Variants in CNTN3 observed in about 807,000 individuals in gnomAD.
CNTN3 encodes contactin 3.
A neutral mutation model predicts 119.1 loss-of-function variants in CNTN3; 60 were observed. That is an observed-to-expected ratio of 0.50 (90% CI 0.41 to 0.62). The LOEUF is 0.62. Among genes scored for constraint, CNTN3 ranks in the 20% least tolerant of loss-of-function variants. The probability of loss-of-function intolerance (pLI) is 0.00; values close to 1 mark genes in which losing one functional copy is unlikely to be tolerated. For synonymous variants in CNTN3, 450 were observed against 438.7 expected, an observed-to-expected ratio of 1.03 and a Z score of -0.32; for missense variants, 1,101 against 1,242.4, an observed-to-expected ratio of 0.89 and a Z score of 1.71.
chr3:74,386,929 C>T (rs1704763179), intron 5 of CNTN3, among the ~76,000 whole-genome samples: 1 of 152,168 alleles, frequency 6.6e-6, no homozygotes, highest in South Asian at 2.1e-4. Flanking sequence ...AGAGCCAGGG[C>T]TGGATACCAC....
chr3:74,334,805 A>C lies in CNTN3; in HGVS notation c.1598T>G (p.Phe533Cys). 7 of 1,613,660 alleles carry C rather than the reference A, an allele frequency of 4.3e-6. No homozygotes were observed. Among genetic ancestry groups the C allele is most frequent in the Non-Finnish European group, 5.1e-6 (6 of 1,179,676 alleles). Residue 533 changes from phenylalanine to cysteine, a missense_variant, in exon 13 of 23, where the codon TTT (phenylalanine) becomes TGT (cysteine). Phe to Cys is a radical substitution (Grantham distance 205, BLOSUM62 -2). Transcript: ENST00000263665. ...VQHDPLLDII[F>C]TWYFNGALAD... Reference sequence around the variant, plus strand: ...AAGGGCCCCATTGAAATACCAGGTAAAGATGATGTCTAACAGCGGGTCATG... The same window carrying C: ...AAGGGCCCCATTGAAATACCAGGTACAGATGATGTCTAACAGCGGGTCATG...
At chr3:74,609,316 G>T (rs975828942) in intron 1 of CNTN3, among the ~76,000 whole-genome samples, 2 of 152,182 alleles carry the variant, frequency 1.3e-5, no homozygotes, top group Non-Finnish European at 2.9e-5. Flanking sequence ...AAATAGATTG[G>T]AACAAGAAAG....
intron 20 of CNTN3, among the ~76,000 whole-genome samples, chr3:74,282,708 T>TAA (rs34564921): frequency 0.16 from 24,199 of 152,150 alleles, 1,941 homozygotes; most frequent in East Asian, 0.19. Context: ...GATTTGCAGT[T>TAA]AAACCATGTC....
chr3:74,438,358 G>A (rs531204793), intron 4 of CNTN3, among the ~76,000 whole-genome samples: 1 of 152,102 alleles, frequency 6.6e-6, no homozygotes, highest in Non-Finnish European at 1.5e-5. Context: ...ATAACATAAC[G>A]TGTTAGAGGC....
chr3:74,495,033 A>G (rs1350946380), intron 3 of CNTN3, among the ~76,000 whole-genome samples: 1 of 152,124 alleles, frequency 6.6e-6, no homozygotes, highest in East Asian at 1.9e-4. Flanking sequence ...CAGGCACTGT[A>G]GATATTCTTT....
intron 4 of CNTN3, among the ~76,000 whole-genome samples, chr3:74,457,884 GAAGA>G (rs1231728424): frequency 6.6e-6 from 1 of 152,000 alleles, no homozygotes; most frequent in Non-Finnish European, 1.5e-5. Flanking sequence ...CATGCCCCAT[GAAGA>G]GAATTCTGTT....
rs542786906 is a variant in CNTN3 at position 74,479,672 on chromosome 3, A to G, written c.358+6784T>C. On this transcript the variant is annotated intron_variant, in intron 4 of 22. Coordinates refer to ENST00000263665, the MANE Select transcript of CNTN3 (RefSeq NM_020872.3). ...ACACCAAGAAAGACGAAGATGTGGA[A>G]TGTGGGTGTTGGGGGGTGGACACAG... Among the ~76,000 whole-genome samples, 8 of 152,122 alleles carry G rather than the reference A, an allele frequency of 5.3e-5. No individual in the cohort carries two copies. In the South Asian group the frequency reaches 1.7e-3, roughly 32 times the overall value.
intron 4 of CNTN3, among the ~76,000 whole-genome samples, chr3:74,464,229 C>T (rs1702420979): frequency 6.6e-6 from 1 of 152,068 alleles, no homozygotes; most frequent in South Asian, 2.1e-4. Context: ...ATAATAATTG[C>T]TCAAGTATAA....
In CNTN3 at chr3:74,295,205, T is replaced by C; in HGVS notation, c.2433A>G (p.Ala811=). 1 of 1,612,328 alleles carries C rather than the reference T, an allele frequency of 6.2e-7. No homozygotes were observed. Among genetic ancestry groups the C allele is most frequent in the East Asian group, 2.2e-5 (1 of 44,856 alleles). The change falls in exon 19 of 23, where the codon GCA becomes GCG. Residue 811 remains alanine, a synonymous_variant. Transcript: ENST00000263665. ...EPTVAPSQVS[A]NSLSSSEIEV... ...CAATTTCTGAGGAAGATAGGCTATTTGCAGAGACTTGAGATGGGGCCACTG... is the reference window on the plus strand; with the variant it reads ...CAATTTCTGAGGAAGATAGGCTATTCGCAGAGACTTGAGATGGGGCCACTG...
chr3:74,373,957 A>G (rs1278653325), intron 5 of CNTN3, among the ~76,000 whole-genome samples: 1 of 152,222 alleles, frequency 6.6e-6, no homozygotes, highest in Non-Finnish European at 1.5e-5. Context: ...ACTTCAAGAG[A>G]ACCTAAAGCA....
chr3:74,477,637 A>T (rs1315358200), intron 4 of CNTN3, among the ~76,000 whole-genome samples: 1 of 152,116 alleles, frequency 6.6e-6, no homozygotes, highest in Admixed American at 6.6e-5. Context: ...GTAAAATAAA[A>T]AGAGTTAGAC....
chr3:74,483,889 G>GCTAGAACT (rs1702805754), intron 4 of CNTN3, among the ~76,000 whole-genome samples: 1 of 151,958 alleles, frequency 6.6e-6, no homozygotes, highest in Non-Finnish European at 1.5e-5. Flanking sequence ...CAAGAACTAG[G>GCTAGAACT]GGCAGACTGC....
At chr3:74,365,279 T>G (rs1704162367) in intron 9 of CNTN3, among the ~76,000 whole-genome samples, 1 of 152,066 alleles carries the variant, frequency 6.6e-6, no homozygotes, top group East Asian at 1.9e-4. Context: ...AAGTAAGGCC[T>G]TCTCTAATTT....
At chr3:74,425,487 C>T (rs1016401974) in intron 4 of CNTN3, among the ~76,000 whole-genome samples, 5 of 152,238 alleles carry the variant, frequency 3.3e-5, no homozygotes, top group Middle Eastern at 3.4e-3. Context: ...TAAATATATA[C>T]CCACTGATCC....
At chr3:74,546,321 T>C (rs1245239033) in intron 1 of CNTN3, among the ~76,000 whole-genome samples, 3 of 152,114 alleles carry the variant, frequency 2.0e-5, no homozygotes, top group Admixed American at 2.0e-4. Context: ...AAGCAACCAG[T>C]CTGTGATGGT....
chr3:74,438,014 G>T (rs768457800), intron 4 of CNTN3, among the ~76,000 whole-genome samples: 1 of 152,128 alleles, frequency 6.6e-6, no homozygotes, highest in Non-Finnish European at 1.5e-5. Context: ...CCATAGAGGA[G>T]TTTTAACCAT....
chr3:74,531,267 G>A (rs1703689257), intron 1 of CNTN3, among the ~76,000 whole-genome samples: 1 of 151,908 alleles, frequency 6.6e-6, no homozygotes, highest in Non-Finnish European at 1.5e-5. Context: ...ATCAGAAGTG[G>A]AGTGGGTGGG....
intron 5 of CNTN3, among the ~76,000 whole-genome samples, chr3:74,408,682 T>C (rs531631085): frequency 1.2e-4 from 18 of 152,220 alleles, no homozygotes; most frequent in Non-Finnish European, 2.6e-4. Flanking sequence ...GGTATTTATG[T>C]TCTAGACTTT....
chr3:74,331,485 T>C (rs1703264492), intron 13 of CNTN3, among the ~76,000 whole-genome samples: 1 of 152,126 alleles, frequency 6.6e-6, no homozygotes, highest in South Asian at 2.1e-4. Context: ...TTAAGCAACA[T>C]GTGACTGTAC....
Sources: allele counts gnomAD v4.1 joint callset (sites outside exome capture counted in the v4.1 genomes callset), GRCh38; gene constraint gnomAD v4.1.1; transcripts MANE v1.5; gene names NCBI Gene and HGNC (gene_info 2026-07-23, HGNC 2026-07-21).